ITGA9: variants seen among roughly 807,000 people sequenced by gnomAD.
ITGA9 encodes integrin alpha-9.
A neutral mutation model predicts 127.8 loss-of-function variants in ITGA9; 56 were observed. The observed-to-expected ratio is 0.44, with a 90% CI of 0.35 to 0.55. The LOEUF is 0.55. ITGA9 is among the 20% of genes least tolerant of loss of function. ITGA9 has a pLI of 0.00. For synonymous variants in ITGA9, 508 were observed against 514.5 expected (o/e 0.99, Z 0.17); for missense variants, 1,196 against 1,347.1 (o/e 0.89, Z 1.76).
At chr3:37,462,340 G>A (rs17036373) in intron 1 of ITGA9, among the ~76,000 whole-genome samples, 12,129 of 152,254 alleles carry the variant, frequency 0.08, 548 homozygotes, top group Middle Eastern at 0.1. Context: ...CTGACTTAGC[G>A]TTATGTGGTG....
intron 15 of ITGA9, among the ~76,000 whole-genome samples, chr3:37,611,817 A>G (rs919091462): frequency 6.6e-6 from 1 of 152,044 alleles, no homozygotes; most frequent in Non-Finnish European, 1.5e-5. Context: ...TGGGAAGGTC[A>G]GGATTCTTCT....
At chr3:37,496,336 C>T (rs1391341796) in intron 5 of ITGA9, among the ~76,000 whole-genome samples, 1 of 152,132 alleles carries the variant, frequency 6.6e-6, no homozygotes, top group East Asian at 1.9e-4. Context: ...AGTTCTATGC[C>T]CTGGGAATGG....
intron 26 of ITGA9, among the ~76,000 whole-genome samples, chr3:37,795,677 C>A (rs1392282663): frequency 6.6e-6 from 1 of 152,188 alleles, no homozygotes; most frequent in African/African-American, 2.4e-5. Flanking sequence ...GCCATCCCTT[C>A]ACTGGCCAGA....
chr3:37,820,658 A>G lies in ITGA9; in HGVS notation c.*1669A>G, dbSNP rs940519700. On this transcript the variant is annotated 3_prime_UTR_variant, in exon 28 of 28. Coordinates refer to ENST00000264741, the MANE Select transcript of ITGA9 (RefSeq NM_002207.3). The stretch of plus-strand genomic sequence containing the variant: ...TGACCTGGCCCATAGTGATCACTCA[A>G]TAACTGTTAACAGCTATGGCTGCTA... 6.6e-6 allele frequency: 1 copy of G among 152,190 alleles called. No homozygotes were observed. Among genetic ancestry groups the G allele is most frequent in the African/African-American group, 2.4e-5 (1 of 41,424 alleles). 9.4% of individuals were successfully genotyped at this position (152,190 alleles called of 1,614,324 possible).
Position 37,547,203 on chromosome 3 carries a change from TCTACA to T in ITGA9, c.1689+4622_1689+4626del, listed in dbSNP as rs140351947. Among the ~76,000 whole-genome samples the T allele has an allele frequency of 2.6e-3, 401 of 152,276 alleles. 4 individuals are homozygous for T. The highest frequency in any genetic ancestry group is 9.1e-3 in the African/African-American group (380 of 41,556). Reference sequence around the variant, plus strand: ...TATTGTTAAAAACAAAACAAAACAATCTACACTAGACGAGGGAATATGCACATCAG... The same window carrying T: ...TATTGTTAAAAACAAAACAAAACAATCTAGACGAGGGAATATGCACATCAG... On this transcript the variant is annotated intron_variant, in intron 15 of 27. Coordinates refer to ENST00000264741, the MANE Select transcript of ITGA9 (RefSeq NM_002207.3).
intron 18 of ITGA9, among the ~76,000 whole-genome samples, chr3:37,707,901 G>C (rs1011907604): frequency 1.3e-5 from 2 of 152,116 alleles, no homozygotes; most frequent in Middle Eastern, 3.2e-3. Flanking sequence ...AAAGGGGGTG[G>C]GTGAGTGACC....
chr3:37,602,363 T>A (rs1035918122), intron 15 of ITGA9, among the ~76,000 whole-genome samples: 2 of 152,130 alleles, frequency 1.3e-5, no homozygotes, highest in Non-Finnish European at 2.9e-5. Flanking sequence ...AACTGTTTTA[T>A]GAATAGGAGA....
rs771302802 is a variant in ITGA9 at position 37,780,020 on chromosome 3, A to T, written c.2786A>T (p.Lys929Met). The change falls in exon 25 of 28, where the codon AAG becomes ATG. Residue 929 changes from lysine to methionine, a missense_variant and splice_region_variant. Transcript: ENST00000264741. ...YMLLNTEILK[K>M]DSSSVIQFMS... Reference sequence around the variant, plus strand: ...CTGCTGAACACAGAAATACTGAAAAAGGTAAGCCCTAATGAACCGCACTTG... The same window carrying T: ...CTGCTGAACACAGAAATACTGAAAATGGTAAGCCCTAATGAACCGCACTTG... The T allele has an allele frequency of 5.0e-6, 8 of 1,613,920 alleles. No individual in the cohort carries two copies. The highest frequency in any genetic ancestry group is 3.3e-4 in the Middle Eastern group (2 of 6,058).
chr3:37,575,476 G>A (rs1441862581), intron 15 of ITGA9, among the ~76,000 whole-genome samples: 1 of 152,044 alleles, frequency 6.6e-6, no homozygotes, highest in Non-Finnish European at 1.5e-5. Context: ...CTATACCCAG[G>A]CACCATTCTA....
At chr3:37,536,510 G>C (rs1254192132) in intron 14 of ITGA9, among the ~76,000 whole-genome samples, 1 of 152,258 alleles carries the variant, frequency 6.6e-6, no homozygotes, top group Non-Finnish European at 1.5e-5. Context: ...TCTGAGGATG[G>C]TTTTGAGAGC....
At chr3:37,698,961 T>TA (rs1219252841) in intron 18 of ITGA9, among the ~76,000 whole-genome samples, 4 of 152,314 alleles carry the variant, frequency 2.6e-5, no homozygotes, top group African/African-American at 9.6e-5. Flanking sequence ...TTGGGACACT[T>TA]ATTTTAGCCT....
At chr3:37,681,333 T>A (rs1009726685) in intron 17 of ITGA9, among the ~76,000 whole-genome samples, 3 of 152,180 alleles carry the variant, frequency 2.0e-5, no homozygotes, top group African/African-American at 7.2e-5. Context: ...CTGGGCCCTT[T>A]ACTCCTCTGT....
intron 18 of ITGA9, among the ~76,000 whole-genome samples, chr3:37,699,257 C>A (rs1700920284): frequency 6.6e-6 from 1 of 152,212 alleles, no homozygotes; most frequent in African/African-American, 2.4e-5. Context: ...AGAGCTCACT[C>A]CTGAACTCCA....
intron 15 of ITGA9, among the ~76,000 whole-genome samples, chr3:37,608,224 A>G (rs971786340): frequency 1.3e-5 from 2 of 152,236 alleles, no homozygotes; most frequent in African/African-American, 4.8e-5. Flanking sequence ...AGTGACTTAT[A>G]AAAACCTCAA....
At chr3:37,818,729 G>C in intron 27 of ITGA9, 162 bp from the exon 28 acceptor site, 2 of 669,928 alleles carry the variant, frequency 3.0e-6, no homozygotes, top group Non-Finnish European at 5.5e-6. Flanking sequence ...GTCTCCACAG[G>C]ATGTTTTTCT....
In ITGA9 at chr3:37,683,923, A is replaced by T. The variant is rs773868496; in HGVS notation, c.1975A>T (p.Ile659Phe). The change falls in exon 18 of 28, where the codon ATC becomes TTC. Residue 659 changes from isoleucine (I) to phenylalanine (F), a missense_variant. Coordinates refer to ENST00000264741, the MANE Select transcript of ITGA9 (RefSeq NM_002207.3). ...LGAVKNISLN[I>F]SISNLGDDAY... ...GGCTGTGAAGAACATCTCCCTAAAC[A>T]TCTCTATCTCCAACCTCGGAGATGA... The T allele has an allele frequency of 5.6e-6, 9 of 1,613,958 alleles. No individual in the cohort carries two copies. Among genetic ancestry groups the T allele is most frequent in the Non-Finnish European group, 6.8e-6 (8 of 1,179,964 alleles).
rs752657027 is a variant in ITGA9, at chr3:37,736,900, C to G, written c.2155-4C>G. ...ATGCCAAATACCACTTCCTTTTTCA[C>G]TAGTATGAATTCAGCGTGATCTTTG... On this transcript the variant is annotated splice_region_variant and splice_polypyrimidine_tract_variant and intron_variant, in intron 19 of 27. Transcript: ENST00000264741. 1 of 1,605,944 alleles carries G rather than the reference C, an allele frequency of 6.2e-7. No individual in the cohort carries two copies. The highest frequency in any genetic ancestry group is 1.1e-5 in the South Asian group (1 of 90,936).
chr3:37,578,844 A>G (rs1194690068), intron 15 of ITGA9, among the ~76,000 whole-genome samples: 2 of 151,894 alleles, frequency 1.3e-5, no homozygotes, highest in Non-Finnish European at 2.9e-5. Context: ...GGTAAGTCCT[A>G]AGATGTTTGC....
At chr3:37,526,712 A>G (rs2125583879) in intron 13 of ITGA9, among the ~76,000 whole-genome samples, 1 of 152,384 alleles carries the variant, frequency 6.6e-6, no homozygotes, top group South Asian at 2.1e-4. Flanking sequence ...CAGAGGAGGC[A>G]GAATTACACT....
Sources: gnomAD v4.1 joint callset for allele counts (sites outside exome capture counted in the v4.1 genomes callset) on GRCh38, gnomAD v4.1.1 for gene constraint, MANE v1.5 for transcripts, NCBI Gene and HGNC (gene_info 2026-07-23, HGNC 2026-07-21) for gene names.